MDGA2: variants seen among roughly 807,000 people sequenced by gnomAD.
MDGA2 encodes MAM domain containing glycosylphosphatidylinositol anchor 2.
Under a neutral mutation model 117.8 loss-of-function variants are expected in MDGA2, and 40 were observed. The ratio of observed to expected loss-of-function variants is 0.34; its 90% CI spans 0.26 to 0.44. The LOEUF is 0.44. Among genes scored for constraint, MDGA2 ranks in the 20% least tolerant of loss-of-function variants. The probability of loss-of-function intolerance (pLI) is 1.00; values close to 1 mark genes in which losing one functional copy is unlikely to be tolerated. For missense variants in MDGA2, 1,123 were observed against 1,250.6 expected (o/e 0.90, Z 1.54); for synonymous variants, 452 against 439.0 (o/e 1.03, Z -0.37).
intron 1 of MDGA2, among the ~76,000 whole-genome samples, chr14:47,504,640 G>C (rs542509286): frequency 8.6e-5 from 13 of 152,004 alleles, no homozygotes; most frequent in African/African-American, 2.7e-4. Context: ...ACCACAATGA[G>C]ATACAGCTTC....
chr14:46,861,147 A>G (rs1881490578), intron 14 of MDGA2, among the ~76,000 whole-genome samples: 1 of 151,898 alleles, frequency 6.6e-6, no homozygotes, highest in Non-Finnish European at 1.5e-5. Context: ...ATTGACAGGA[A>G]ATACATCCAA....
At chr14:47,230,958 A>G (rs1029733401) in intron 2 of MDGA2, among the ~76,000 whole-genome samples, 12 of 152,000 alleles carry the variant, frequency 7.9e-5, no homozygotes, top group Non-Finnish European at 7.4e-5. Context: ...AAGGATTTAT[A>G]TTTACCTTCT....
At chr14:47,025,973 C>A (rs924775350) in intron 8 of MDGA2, among the ~76,000 whole-genome samples, 2 of 152,038 alleles carry the variant, frequency 1.3e-5, no homozygotes, top group African/African-American at 4.8e-5. Flanking sequence ...TCTAGTAGTC[C>A]CGCAAGTTTA....
intron 9 of MDGA2, among the ~76,000 whole-genome samples, chr14:46,950,354 CTG>C (rs140846313): frequency 0.035 from 5,261 of 151,970 alleles, 299 homozygotes; most frequent in African/African-American, 0.12. Flanking sequence ...TACTGGACCT[CTG>C]TTAGTTTATC....
chr14:47,119,039 G>A (rs1432562125), intron 5 of MDGA2, among the ~76,000 whole-genome samples: 4 of 147,958 alleles, frequency 2.7e-5, no homozygotes, highest in African/African-American at 1.0e-4. Context: ...ACCATGTCCA[G>A]CCTACATATT....
At chr14:47,361,917 A>C (rs1167896649) in intron 1 of MDGA2, among the ~76,000 whole-genome samples, 5 of 152,190 alleles carry the variant, frequency 3.3e-5, no homozygotes, top group Admixed American at 6.5e-5. Context: ...CTGTGTTACT[A>C]TCCTTCACTT....
At chr14:47,631,306 C>T (rs1020650624) in intron 1 of MDGA2, among the ~76,000 whole-genome samples, 1 of 152,278 alleles carries the variant, frequency 6.6e-6, no homozygotes, top group Non-Finnish European at 1.5e-5. Context: ...CACTTTCTAT[C>T]CACATCCCCT....
intron 3 of MDGA2, among the ~76,000 whole-genome samples, chr14:47,192,199 C>A (rs568564451): frequency 1.4e-4 from 21 of 152,248 alleles, no homozygotes; most frequent in African/African-American, 4.3e-4. Flanking sequence ...TTTTCTAATT[C>A]TTTGAAAAGA....
intron 1 of MDGA2, among the ~76,000 whole-genome samples, chr14:47,478,384 A>G (rs1893886126): frequency 6.6e-6 from 1 of 151,946 alleles, no homozygotes; most frequent in Non-Finnish European, 1.5e-5. Context: ...TGAAAATATT[A>G]TTATTATTTA....
chr14:47,645,860 C>T (rs976870855), intron 1 of MDGA2, among the ~76,000 whole-genome samples: 6 of 151,530 alleles, frequency 4.0e-5, no homozygotes, highest in African/African-American at 1.5e-4. Context: ...ATCACGAGGT[C>T]AGAAGATCGA....
intron 5 of MDGA2, among the ~76,000 whole-genome samples, chr14:47,120,037 T>C (rs1351318615): frequency 6.6e-6 from 1 of 152,204 alleles, no homozygotes; most frequent in Non-Finnish European, 1.5e-5. Flanking sequence ...AAAATTGGTT[T>C]TGAAGAATTT....
At chr14:47,198,519 C>A (rs561318389) in intron 3 of MDGA2, among the ~76,000 whole-genome samples, 2 of 152,034 alleles carry the variant, frequency 1.3e-5, no homozygotes, top group East Asian at 3.9e-4. Context: ...TTGCAGTGAG[C>A]GGGGATTGTG....
chr14:46,964,533 G>A (rs1032889284), intron 8 of MDGA2, among the ~76,000 whole-genome samples: 2 of 152,154 alleles, frequency 1.3e-5, no homozygotes, highest in Middle Eastern at 3.2e-3. Context: ...CCAACAGACT[G>A]ATTTGCTAGA....
At chr14:46,955,599 G>A (rs772361603) in intron 9 of MDGA2, among the ~76,000 whole-genome samples, 1 of 151,864 alleles carries the variant, frequency 6.6e-6, no homozygotes, top group Non-Finnish European at 1.5e-5. Flanking sequence ...TATTCTCTTA[G>A]CCCCTTACTC....
At position 47,146,458 on chromosome 14, in the gene MDGA2, G is replaced by A. The variant is rs903635881; in HGVS notation, c.596-2184C>T. On this transcript the variant is annotated intron_variant, in intron 3 of 16. Coordinates refer to ENST00000399232, the MANE Select transcript of MDGA2 (RefSeq NM_001113498.3). The stretch of plus-strand genomic sequence containing the variant: ...TATGCTGTCTGGTTTTATTAAGTTC[G>A]GATATTTAGGGATACCAGCATCATT... Among the ~76,000 whole-genome samples the A allele has an allele frequency of 5.9e-5, 9 of 152,042 alleles. No individual in the cohort carries two copies. The South Asian group carries it at 6.2e-4, about 11-fold the overall frequency.
chr14:47,035,418 G>T (rs1055437194), intron 7 of MDGA2, 114 bp from the exon 8 acceptor site: 1 of 805,070 alleles, frequency 1.2e-6, no homozygotes, highest in Non-Finnish European at 1.9e-6. Flanking sequence ...GTGACAATTC[G>T]GATGATCAAA....
chr14:47,276,618 T>C (rs73238704), intron 2 of MDGA2, among the ~76,000 whole-genome samples: 6,068 of 151,588 alleles, frequency 0.04, 137 homozygotes, highest in African/African-American at 0.049. Context: ...ATAAAAAAAA[T>C]TCCAATTAAA....
At chr14:47,356,038 G>T (rs1890986678) in intron 1 of MDGA2, among the ~76,000 whole-genome samples, 1 of 152,078 alleles carries the variant, frequency 6.6e-6, no homozygotes. Flanking sequence ...CCTCACCCTG[G>T]ACCAGCTCAG....
chr14:47,582,869 A>G (rs1356025241), intron 1 of MDGA2, among the ~76,000 whole-genome samples: 2 of 151,878 alleles, frequency 1.3e-5, no homozygotes, highest in Non-Finnish European at 2.9e-5. Flanking sequence ...ATTAGTAACA[A>G]CTTCAACCTC....
Sources: allele counts gnomAD v4.1 joint callset (sites outside exome capture counted in the v4.1 genomes callset), GRCh38; gene constraint gnomAD v4.1.1; transcripts MANE v1.5; gene names NCBI Gene and HGNC (gene_info 2026-07-23, HGNC 2026-07-21).